Variants in MYO19 observed in about 807,000 individuals in gnomAD.
MYO19 encodes myosin XIX, also known as unconventional myosin-XIX.
Under a neutral mutation model 129.2 loss-of-function variants are expected in MYO19, and 132 were observed. The ratio of observed to expected loss-of-function variants is 1.02; its 90% CI spans 0.89 to 1.18. The LOEUF (loss-of-function observed/expected upper bound fraction) is 1.18. Among genes scored for constraint, MYO19 ranks in the 50% most tolerant of loss-of-function variants. MYO19 has a pLI of 0.00. For synonymous variants in MYO19, 531 were observed against 477.2 expected, an observed-to-expected ratio of 1.11 and a Z score of -1.47; for missense variants, 1,210 against 1,216.7, an observed-to-expected ratio of 0.99 and a Z score of 0.08.
At chr17:36,504,321 A>G (rs1301213861) in intron 19 of MYO19, 9 of 371,176 alleles carry the variant, frequency 2.4e-5, no homozygotes, top group East Asian at 1.4e-4. Flanking sequence ...TAGTCTCACT[A>G]CCACACAACC....
chr17:36,529,993 G>A (rs780074926), intron 3 of MYO19, among the ~76,000 whole-genome samples: 3 of 152,180 alleles, frequency 2.0e-5, no homozygotes, highest in Non-Finnish European at 4.4e-5. Context: ...AGGCTGCAAT[G>A]AGTTATGATT....
At chr17:36,536,698 A>G (rs2142607997), upstream of MYO19, among the ~76,000 whole-genome samples, 1 of 151,930 alleles carries the variant, frequency 6.6e-6, no homozygotes, top group African/African-American at 2.4e-5. Flanking sequence ...TATTTTTAGT[A>G]GAGACGGGCT....
At chr17:36,541,088 C>T (rs913484259) in intron 2 of MYO19, among the ~76,000 whole-genome samples, 7 of 151,998 alleles carry the variant, frequency 4.6e-5, no homozygotes, top group Non-Finnish European at 2.9e-5. Flanking sequence ...GCTGGGACTA[C>T]AGGTGCCCGC....
At chr17:36,538,785 G>T, upstream of MYO19, 2 of 630,670 alleles carry the variant, frequency 3.2e-6, no homozygotes, top group Non-Finnish European at 5.3e-6. Context: ...ACAGAGTCTT[G>T]CTCTGTTACC....
intron 19 of MYO19, chr17:36,504,291 G>C (rs973119970): frequency 2.2e-6 from 1 of 449,058 alleles, no homozygotes; most frequent in East Asian, 3.7e-5. Context: ...TCCTGGCTCC[G>C]TCTCACCCTG....
chr17:36,507,696 A>C lies in MYO19; in HGVS notation c.1353+107T>G. On this transcript the variant is annotated intron_variant, in intron 15 of 25. Coordinates refer to ENST00000614623, the MANE Select transcript of MYO19 (RefSeq NM_001163735.2). ...TTATTTGTCAATTAAAAATAAAATA[A>C]GAAGGAACAAAAGGCTTCTAATCAG... 5 of 1,359,138 alleles carry C rather than the reference A, an allele frequency of 3.7e-6. No homozygotes were observed. The South Asian group carries it at 7.4e-5, about 20-fold the overall frequency. The allele number at this position is 1,359,138 out of a possible 1,614,324, so 84.2% of individuals were successfully genotyped here. A position where few individuals can be genotyped will look rare whatever the true frequency, so the allele number is the denominator to read the frequency against.
At chr17:36,498,950 A>C in intron 24 of MYO19, 125 bp downstream of exon 24, 1 of 716,890 alleles carries the variant, frequency 1.4e-6, no homozygotes, top group South Asian at 1.6e-5. Context: ...TATGAGGCTC[A>C]GAGAGGCTAA....
At chr17:36,515,680 CT>C (rs1175901776) in intron 7 of MYO19, among the ~76,000 whole-genome samples, 177 bp downstream of exon 7, 1 of 152,168 alleles carries the variant, frequency 6.6e-6, no homozygotes, top group Non-Finnish European at 1.5e-5. Context: ...GACATGACCT[CT>C]GTTAGAATGA....
intron 13 of MYO19, 72 bp from the exon 14 acceptor site, chr17:36,509,207 C>G (rs896776640): frequency 5.0e-6 from 7 of 1,398,784 alleles, no homozygotes; most frequent in South Asian, 1.2e-5. Flanking sequence ...ATTGCTCCCC[C>G]CATCAGGGTG....
chr17:36,510,763 G>C lies in MYO19; in HGVS notation c.1140C>G (p.Ala380=), dbSNP rs527534871. 119 of 1,607,940 alleles carry C rather than the reference G, an allele frequency of 7.4e-5. 1 individual carries two copies. The South Asian group carries it at 1.3e-3, about 17-fold the overall frequency. The change falls in exon 13 of 26, where the codon GCC becomes GCG. Residue 380 remains alanine, a synonymous_variant. Transcript: ENST00000614623. ...AECDTRRDCL[A]KLIYARLFDW... ...CTGCTCACCGCGCATAGATCAGTTT[G>C]GCCAGGCAGTCTCTACGGGTGTCAC...
intron 9 of MYO19, among the ~76,000 whole-genome samples, chr17:36,514,078 C>A (rs2072564281): frequency 6.6e-6 from 1 of 152,172 alleles, no homozygotes; most frequent in Non-Finnish European, 1.5e-5. Context: ...TTGGGGGACT[C>A]CCAGTCCGAT....
At chr17:36,513,605 G>A (rs2072522836) in intron 10 of MYO19, 24 bp downstream of exon 10, 4 of 1,613,958 alleles carry the variant, frequency 2.5e-6, no homozygotes, top group African/African-American at 2.7e-5. Context: ...GTCAGCGCAA[G>A]GTGCTGGATG....
intron 6 of MYO19, among the ~76,000 whole-genome samples, chr17:36,521,454 AAGG>A (rs2142236892): frequency 1.3e-5 from 2 of 152,324 alleles, no homozygotes; most frequent in Admixed American, 1.3e-4. Flanking sequence ...AATAAAGAGA[AAGG>A]AGGATAGGTG....
At chr17:36,499,674 T>TTTTTTC (rs1567729306) in intron 23 of MYO19, 1 of 125,936 alleles carries the variant, frequency 7.9e-6, no homozygotes, top group African/African-American at 3.1e-5. Flanking sequence ...CTTTTTTTTT[T>TTTTTTC]TTTTTTTTTT....
At position 36,507,395 on chromosome 17, in the gene MYO19, C is replaced by T. The variant is rs755050440; in HGVS notation, c.1467+4G>A. The T allele has an allele frequency of 4.3e-6, 7 of 1,612,214 alleles. No homozygotes were observed. The African/African-American group carries it at 6.7e-5, about 15-fold the overall frequency. ...GTGCTCGGCTCATTAGCTGACCTCC[C>T]CACCTCATTTATGAGGGAGCAGATG... On this transcript the variant is annotated splice_donor_region_variant and intron_variant, in intron 16 of 25. Coordinates refer to ENST00000614623, the MANE Select transcript of MYO19 (RefSeq NM_001163735.2).
chr17:36,507,040 G>C lies in MYO19; in HGVS notation c.1567C>G (p.Arg523Gly). The change falls in exon 17 of 26, where the codon CGG becomes GGG. Residue 523 changes from arginine (R) to glycine (G), a missense_variant. Coordinates refer to ENST00000614623, the MANE Select transcript of MYO19 (RefSeq NM_001163735.2). ...SPCLGHNKLS[R>G]EPSFIVVHYA... ...TGCACCACAATGAAGCTGGGCTCCC[G>C]GCTGAGCTTATTGTGGCCCAGGCAG... is the stretch of plus-strand genomic sequence containing the variant. 6.2e-7 allele frequency: 1 copy of C among 1,613,686 alleles called. No individual in the cohort carries two copies. The highest frequency in any genetic ancestry group is 8.5e-7 in the Non-Finnish European group (1 of 1,179,720).
At chr17:36,531,649 T>C (rs1355975933) in intron 3 of MYO19, among the ~76,000 whole-genome samples, 1 of 152,014 alleles carries the variant, frequency 6.6e-6, no homozygotes, top group East Asian at 1.9e-4. Flanking sequence ...AGCAGTCAAC[T>C]GTTTTGCCCA....
intron 11 of MYO19, among the ~76,000 whole-genome samples, chr17:36,512,399 A>AT (rs1197979399): frequency 6.6e-6 from 1 of 151,452 alleles, no homozygotes; most frequent in African/African-American, 2.4e-5. Flanking sequence ...CAAAAAAAAA[A>AT]AAAAAAAAGA....
chr17:36,510,568 G>T (rs537850708), intron 13 of MYO19, among the ~76,000 whole-genome samples, 178 bp downstream of exon 13: 1 of 152,360 alleles, frequency 6.6e-6, no homozygotes, highest in South Asian at 2.1e-4. Flanking sequence ...GCTGCTTGGT[G>T]AAACCTGGGA....
Sources: allele counts gnomAD v4.1 joint callset (sites outside exome capture counted in the v4.1 genomes callset), GRCh38; gene constraint gnomAD v4.1.1; transcripts MANE v1.5; gene names NCBI Gene and HGNC (gene_info 2026-07-23, HGNC 2026-07-21).